Variants in ART3 observed in about 807,000 individuals in gnomAD.
ART3 encodes ecto-ADP-ribosyltransferase 3.
A neutral mutation model predicts 48.5 loss-of-function variants in ART3; 49 were observed. The observed-to-expected ratio is 1.01, with a 90% CI of 0.80 to 1.28. ART3 has a LOEUF of 1.28. Ranked by LOEUF, ART3 falls within the 50% of genes most tolerant of loss-of-function variation. The pLI, the probability that ART3 is intolerant of heterozygous loss-of-function variation, is 0.00. For missense variants in ART3, 438 were observed against 454.3 expected (o/e 0.96, Z 0.33); for synonymous variants, 145 against 157.2 (o/e 0.92, Z 0.58).
intron 11 of ART3, among the ~76,000 whole-genome samples, chr4:76,109,391 G>A (rs28628345): frequency 0.15 from 22,517 of 151,928 alleles, 2,108 homozygotes; most frequent in East Asian, 0.36. Context: ...GGGTAGTAAC[G>A]TGCATGGAAC....
rs1328406799 is a variant in ART3 at position 76,074,790 on chromosome 4, T to C, written c.-39T>C. The C allele has an allele frequency of 6.6e-6, 1 of 152,190 alleles. No homozygotes were observed. Among genetic ancestry groups the C allele is most frequent in the African/African-American group, 2.4e-5 (1 of 41,444 alleles). The allele number at this position is 152,190 out of a possible 1,614,324, so 9.4% of individuals were successfully genotyped here. On this transcript the variant is annotated 5_prime_UTR_variant, in exon 1 of 12. Transcript: ENST00000355810. ...GAGTCAGTTTGAGGCCTAGCATCAC[T>C]TAAACTTCCTCCAAAGGCACAAAAG...
rs566226623 is a variant in ART3 at position 76,055,066 on chromosome 4, T to C, written c.-9-20815T>C. Among the ~76,000 whole-genome samples the C allele has an allele frequency of 2.0e-5, 3 of 152,324 alleles. No homozygotes were observed. The East Asian group carries it at 5.8e-4, about 29-fold the overall frequency. On this transcript the variant is annotated intron_variant, in intron 1 of 9. Coordinates refer to the ART3 transcript ENST00000341029. ...CTGAGATTACAGGCGTGAGCCACAA[T>C]GCCTGGCCTCTTGTCATTTTTCTAA...
At chr4:76,091,586 TTCTTA>T (rs1326091658) in intron 3 of ART3, among the ~76,000 whole-genome samples, 3 of 152,208 alleles carry the variant, frequency 2.0e-5, no homozygotes, top group African/African-American at 7.2e-5. Flanking sequence ...TGAGGTTGTT[TTCTTA>T]TCTTTTGAGA....
At chr4:76,050,597 G>A (rs960460283) in intron 1 of ART3, among the ~76,000 whole-genome samples, 2 of 152,236 alleles carry the variant, frequency 1.3e-5, no homozygotes, top group African/African-American at 4.8e-5. Context: ...GCTTCACGCA[G>A]TGGATCCCGC....
intron 1 of ART3, among the ~76,000 whole-genome samples, chr4:76,019,070 T>G (rs910062594): frequency 6.8e-6 from 1 of 147,104 alleles, no homozygotes; most frequent in African/African-American, 2.5e-5. Flanking sequence ...AAAGAACATA[T>G]GCCAGAAAGG....
chr4:76,085,292 T>G lies in ART3; in HGVS notation c.781+2757T>G, dbSNP rs561766738. 5.4e-4 allele frequency among the ~76,000 whole-genome samples: 83 copies of G among 152,316 alleles called. 2 individuals are homozygous for G. In the South Asian group the frequency reaches 0.012, roughly 22 times the overall value. ...GATAGACTTTTAGATCTTGACTAAA[T>G]GTAGCCAAGGTACTATGAGATAAAA... On this transcript the variant is annotated intron_variant, in intron 3 of 11. Transcript: ENST00000355810.
intron 1 of ART3, among the ~76,000 whole-genome samples, chr4:76,028,286 T>C (rs150794764): frequency 2.6e-4 from 39 of 152,366 alleles, no homozygotes; most frequent in Non-Finnish European, 4.6e-4. Context: ...ACTCTTTTTA[T>C]ATATTTCTCT....
At position 76,103,797 on chromosome 4, in the gene ART3, G is replaced by A. The variant is rs1578602758; in HGVS notation, c.938-140G>A. On this transcript the variant is annotated intron_variant, in intron 8 of 11. Transcript: ENST00000355810. ...TGAAGAGCCATTGAAAGGTGTTTTT[G>A]TTGTTGCTGTTTCTTTTTTCTTTCC... 1.3e-5 allele frequency: 9 copies of A among 700,382 alleles called. No homozygotes were observed. The South Asian group carries it at 1.3e-4, about 10-fold the overall frequency. 43.4% of individuals were successfully genotyped at this position (700,382 alleles called of 1,614,324 possible).
chr4:76,021,903 C>G (rs745846751), intron 1 of ART3: 1 of 1,605,666 alleles, frequency 6.2e-7, no homozygotes, highest in South Asian at 1.1e-5. Flanking sequence ...CTTGGAAGCA[C>G]TGCATCGATT....
chr4:76,053,096 A>G (rs1181821446), intron 1 of ART3, among the ~76,000 whole-genome samples: 3 of 152,218 alleles, frequency 2.0e-5, no homozygotes, highest in African/African-American at 7.2e-5. Flanking sequence ...GAGCACAAAA[A>G]GAAGAAATAA....
At chr4:76,012,023 C>A (rs1247022449) in intron 1 of ART3, 3 of 152,198 alleles carry the variant, frequency 2.0e-5, no homozygotes, top group African/African-American at 7.2e-5. Flanking sequence ...TCAACAGTTA[C>A]CAATTCCTTT....
At chr4:76,040,645 C>T (rs541075540) in intron 1 of ART3, among the ~76,000 whole-genome samples, 1 of 151,724 alleles carries the variant, frequency 6.6e-6, no homozygotes, top group African/African-American at 2.4e-5. Flanking sequence ...TAATCTTCCT[C>T]ACGGAGGCTG....
chr4:76,089,885 G>A (rs1244794877), intron 3 of ART3, among the ~76,000 whole-genome samples: 1 of 152,090 alleles, frequency 6.6e-6, no homozygotes, highest in Non-Finnish European at 1.5e-5. Context: ...TTCGAGACCA[G>A]CCTGGCCAAC....
chr4:76,102,506 C>G (rs1727555125), intron 8 of ART3, among the ~76,000 whole-genome samples: 1 of 151,888 alleles, frequency 6.6e-6, no homozygotes, highest in Admixed American at 6.6e-5. Flanking sequence ...CAACCTGTGT[C>G]CAACCATTGG....
At chr4:76,030,054 T>C (rs1733733382) in intron 1 of ART3, among the ~76,000 whole-genome samples, 1 of 152,210 alleles carries the variant, frequency 6.6e-6, no homozygotes, top group Admixed American at 6.5e-5. Context: ...CTTTTTTGCA[T>C]CTTCAACTTT....
chr4:76,011,948 G>A (rs760180098), intron 1 of ART3: 7 of 152,234 alleles, frequency 4.6e-5, no homozygotes, highest in Non-Finnish European at 8.8e-5. Context: ...GAAACCTGAT[G>A]AGAGGATGTT....
At chr4:76,034,615 T>C (rs1452733452) in intron 1 of ART3, 3 of 626,396 alleles carry the variant, frequency 4.8e-6, no homozygotes, top group Non-Finnish European at 8.4e-6. Flanking sequence ...TATTTCTGTT[T>C]TTGGTCCTTT....
At chr4:76,040,344 C>A (rs1471448909) in intron 1 of ART3, among the ~76,000 whole-genome samples, 1 of 151,832 alleles carries the variant, frequency 6.6e-6, no homozygotes, top group African/African-American at 2.4e-5. Context: ...AAAAACCAAA[C>A]ATTAGAAAAT....
At chr4:76,098,732 C>T (rs1160429637) in intron 4 of ART3, among the ~76,000 whole-genome samples, 1 of 152,076 alleles carries the variant, frequency 6.6e-6, no homozygotes, top group Non-Finnish European at 1.5e-5. Flanking sequence ...TGCACTCCAG[C>T]CTGGGCGACA....
Sources: gnomAD v4.1 joint callset for allele counts (sites outside exome capture counted in the v4.1 genomes callset) on GRCh38, gnomAD v4.1.1 for gene constraint, MANE v1.5 for transcripts, NCBI Gene and HGNC (gene_info 2026-07-23, HGNC 2026-07-21) for gene names.